Variants in AVEN observed in about 807,000 individuals in gnomAD.
AVEN encodes apoptosis and caspase activation inhibitor.
In AVEN, 41 loss-of-function variants were observed where a neutral mutation model predicts 38.1. The ratio of observed to expected loss-of-function variants is 1.08; its 90% CI spans 0.84 to 1.40. AVEN has a LOEUF of 1.40. Ranked by LOEUF, AVEN falls within the 40% of genes most tolerant of loss-of-function variation. The pLI is 0.00. For synonymous variants in AVEN, 206 were observed against 171.8 expected, an observed-to-expected ratio of 1.20 and a Z score of -1.56; for missense variants, 605 against 438.8, an observed-to-expected ratio of 1.38 and a Z score of -3.38.
chr15:33,931,418 T>G (rs1893844724), intron 2 of AVEN, among the ~76,000 whole-genome samples: 1 of 125,002 alleles, frequency 8.0e-6, no homozygotes, highest in Non-Finnish European at 1.6e-5. Context: ...TCACCCGGGC[T>G]GGAGTGCAGT....
intron 2 of AVEN, among the ~76,000 whole-genome samples, chr15:33,921,963 C>T (rs73379552): frequency 0.01 from 1,578 of 152,202 alleles, 28 homozygotes; most frequent in African/African-American, 0.036. Flanking sequence ...TGGAAACACT[C>T]CTAGTAAATA....
intron 1 of AVEN, among the ~76,000 whole-genome samples, chr15:34,016,426 C>T (rs1016925997): frequency 6.6e-6 from 1 of 152,150 alleles, no homozygotes; most frequent in African/African-American, 2.4e-5. Flanking sequence ...CTCACCTGGT[C>T]AATTATCTGC....
At chr15:33,982,188 A>T (rs1159378313) in intron 2 of AVEN, among the ~76,000 whole-genome samples, 1 of 152,134 alleles carries the variant, frequency 6.6e-6, no homozygotes, top group Non-Finnish European at 1.5e-5. Context: ...TTATTTTAAC[A>T]CATTTGTTAA....
chr15:33,881,702 GCTA>G (rs1891492321), intron 2 of AVEN, among the ~76,000 whole-genome samples: 3 of 152,174 alleles, frequency 2.0e-5, no homozygotes, highest in African/African-American at 4.8e-5. Context: ...CACCAAATGT[GCTA>G]CTTTTATATC....
chr15:34,003,136 ATCTT>A lies in AVEN; in HGVS notation c.337_340del (p.Lys113LeufsTer96), dbSNP rs761383189. The A allele has an allele frequency of 6.2e-7, 1 of 1,613,860 alleles. No homozygotes were observed. Reference sequence around the variant, plus strand: ...TTGATATCGATCCCAGTTAGAGACAATCTTTCTTTTAGAATAATTTCCCTGTTCA... The same window carrying A: ...TTGATATCGATCCCAGTTAGAGACAATCTTTTAGAATAATTTCCCTGTTCA... On this transcript the variant is annotated frameshift_variant, in exon 2 of 6. Transcript: ENST00000306730. LOFTEE classifies it high-confidence loss of function.
At chr15:34,035,134 T>A (rs1899057654) in intron 1 of AVEN, among the ~76,000 whole-genome samples, 2 of 152,244 alleles carry the variant, frequency 1.3e-5, no homozygotes, top group Non-Finnish European at 2.9e-5. Flanking sequence ...CATCGGGTAT[T>A]AATTACTACT....
At chr15:33,969,012 C>T (rs1895514176) in intron 2 of AVEN, 2 of 151,962 alleles carry the variant, frequency 1.3e-5, no homozygotes, top group Admixed American at 1.3e-4. Context: ...ATCAGGAATA[C>T]AGATATAAAG....
At chr15:33,933,905 G>A (rs1418059324) in intron 2 of AVEN, among the ~76,000 whole-genome samples, 2 of 152,110 alleles carry the variant, frequency 1.3e-5, no homozygotes, top group Non-Finnish European at 2.9e-5. Flanking sequence ...GTTGCAGTGA[G>A]CCAAGATTGC....
chr15:33,881,900 G>C (rs1214736667), intron 2 of AVEN, among the ~76,000 whole-genome samples: 1 of 152,156 alleles, frequency 6.6e-6, no homozygotes, highest in Non-Finnish European at 1.5e-5. Context: ...AACCAGAAAA[G>C]AACAGTGACA....
At chr15:33,857,661 C>T (rs2079834000), downstream of AVEN, 7 of 1,279,996 alleles carry the variant, frequency 5.5e-6, no homozygotes, top group South Asian at 7.1e-5. Context: ...CCACCCCTTC[C>T]CCATTTCCTC....
chr15:34,072,098 T>A (rs1235618180), intron 1 of AVEN, among the ~76,000 whole-genome samples: 3 of 151,262 alleles, frequency 2.0e-5, no homozygotes, highest in African/African-American at 7.3e-5. Flanking sequence ...AGACCTTATC[T>A]CTACCAAAAA....
chr15:33,958,878 T>C (rs1895063248), intron 2 of AVEN, among the ~76,000 whole-genome samples: 1 of 152,186 alleles, frequency 6.6e-6, no homozygotes, highest in Non-Finnish European at 1.5e-5. Flanking sequence ...GCTGCTTTTT[T>C]AAAGCTCACA....
rs571944012 is a variant in AVEN at position 34,005,377 on chromosome 15, A to G, written c.268-2168T>C. 2.6e-5 allele frequency among the ~76,000 whole-genome samples: 4 copies of G among 152,212 alleles called. No individual in the cohort carries two copies. The South Asian group carries it at 8.3e-4, about 32-fold the overall frequency. On this transcript the variant is annotated intron_variant, in intron 1 of 5. Transcript: ENST00000306730. ...CACAGTCCCTATTTTTACGACCCTG[A>G]CTTATTGACAAGGCCAGGCTAGGTC...
Position 33,892,620 on chromosome 15 carries a change from T to G in AVEN, c.446-16625A>C, listed in dbSNP as rs1192786215. On this transcript the variant is annotated intron_variant, in intron 2 of 5. Transcript: ENST00000306730. ...TTGGTACCAGCACCATGCTGTTTGGTAGCCTTGTAGTATAGTTTGAAGTCA... is the reference window on the plus strand; with the variant it reads ...TTGGTACCAGCACCATGCTGTTTGGGAGCCTTGTAGTATAGTTTGAAGTCA... 2.0e-5 allele frequency among the ~76,000 whole-genome samples: 3 copies of G among 151,864 alleles called. No individual in the cohort carries two copies. The East Asian group carries it at 5.8e-4, about 29-fold the overall frequency.
At chr15:34,056,025 G>A (rs889736397) in intron 5 of AVEN, among the ~76,000 whole-genome samples, 3 of 152,028 alleles carry the variant, frequency 2.0e-5, no homozygotes, top group Non-Finnish European at 2.9e-5. Flanking sequence ...GCCTAAGCAG[G>A]TATTGTTATA....
In AVEN at chr15:33,996,274, CAG is replaced by C. The variant is rs1306752295; in HGVS notation, c.445+6756_445+6757del. ...CAGGGCATAGCTGGACAAACGGCAG[CAG>C]AAACTTCTGCAGACTTAAACGTCCC... On this transcript the variant is annotated intron_variant, in intron 2 of 5. Transcript: ENST00000306730. 7.2e-5 allele frequency among the ~76,000 whole-genome samples: 11 copies of C among 152,234 alleles called. No homozygotes were observed. In the East Asian group the frequency reaches 2.1e-3, roughly 29 times the overall value.
At chr15:33,863,029 C>CTGA, downstream of AVEN, among the ~76,000 whole-genome samples, 1 of 152,316 alleles carries the variant, frequency 6.6e-6, no homozygotes, top group East Asian at 1.9e-4. Context: ...GAGCCCATGG[C>CTGA]CACGTGTCTG....
chr15:33,907,175 G>A (rs186278164), intron 2 of AVEN, among the ~76,000 whole-genome samples: 1 of 152,280 alleles, frequency 6.6e-6, no homozygotes, highest in African/African-American at 2.4e-5. Flanking sequence ...CAGCAGGATA[G>A]ACCCTGCTCG....
chr15:34,047,646 A>T (rs1285852997), intron 5 of AVEN, among the ~76,000 whole-genome samples: 2 of 152,196 alleles, frequency 1.3e-5, no homozygotes, highest in East Asian at 3.9e-4. Context: ...CAGCCATTCT[A>T]GCTTGCGGCT....
Sources: allele counts gnomAD v4.1 joint callset (sites outside exome capture counted in the v4.1 genomes callset), GRCh38; gene constraint gnomAD v4.1.1; transcripts MANE v1.5; gene names NCBI Gene and HGNC (gene_info 2026-07-23, HGNC 2026-07-21).